The following GSN variants were observed in gnomAD, a reference collection of about 807,000 sequenced individuals.
GSN encodes gelsolin, also known as actin-depolymerizing factor.
Under a neutral mutation model 85.7 loss-of-function variants are expected in GSN, and 56 were observed. The observed-to-expected ratio is 0.65, with a 90% CI of 0.53 to 0.82. The LOEUF (loss-of-function observed/expected upper bound fraction) is 0.82, where lower values mean the gene tolerates loss of function less well. GSN is among the 40% of genes least tolerant of loss of function. GSN has a pLI of 0.00. For synonymous variants in GSN, 373 were observed against 399.1 expected (o/e 0.93, Z 0.78); for missense variants, 857 against 979.8 (o/e 0.87, Z 1.67).
Position 121,220,325 on chromosome 9 carries a change from T to C in GSN, c.-528+9458T>C, listed in dbSNP as rs570900049. ...GCCGGGGCCGAGGTCCTGCAGGTAT[T>C]TGGGGAACTCCCCTAGCCCACTGAT... On this transcript the variant is annotated intron_variant, in intron 4 of 24. Transcript: ENST00000373823. Among the ~76,000 whole-genome samples the C allele has an allele frequency of 7.2e-5, 11 of 152,390 alleles. No individual in the cohort carries two copies. The South Asian group carries it at 8.3e-4, about 11-fold the overall frequency.
At chr9:121,207,591 G>C (rs931739927), upstream of GSN, among the ~76,000 whole-genome samples, 1 of 152,196 alleles carries the variant, frequency 6.6e-6, no homozygotes, top group Admixed American at 6.5e-5. Flanking sequence ...ACCCATGGAA[G>C]GTCATCTCCC....
upstream of GSN, among the ~76,000 whole-genome samples, chr9:121,266,102 C>G (rs998051420): frequency 2.6e-5 from 4 of 152,122 alleles, no homozygotes; most frequent in African/African-American, 9.7e-5. Context: ...CCAAATGGAG[C>G]AATTACAGGG....
At chr9:121,272,695 A>G (rs1263003183) in intron 1 of GSN, among the ~76,000 whole-genome samples, 1 of 152,238 alleles carries the variant, frequency 6.6e-6, no homozygotes, top group East Asian at 1.9e-4. Context: ...TATGTAACAC[A>G]CTTACTATGT....
chr9:121,302,874 T>C (rs750389689), intron 3 of GSN, 37 bp from the exon 4 acceptor site: 20 of 1,610,814 alleles, frequency 1.2e-5, no homozygotes, highest in Non-Finnish European at 1.6e-5. Context: ...GGGATACTTC[T>C]GGAAAGCCAG....
chr9:121,297,378 C>G (rs1038562501), intron 2 of GSN, among the ~76,000 whole-genome samples: 1 of 152,052 alleles, frequency 6.6e-6, no homozygotes, highest in African/African-American at 2.4e-5. Context: ...TAATCTTCAC[C>G]ATAATCTAGT....
At chr9:121,246,315 T>C (rs1342867668) in intron 5 of GSN, among the ~76,000 whole-genome samples, 1 of 152,218 alleles carries the variant, frequency 6.6e-6, no homozygotes, top group African/African-American at 2.4e-5. Flanking sequence ...GATGCTATGC[T>C]CAGAGCTGCT....
intron 2 of GSN, chr9:121,282,500 G>A: frequency 8.0e-7 from 1 of 1,257,464 alleles, no homozygotes; most frequent in Non-Finnish European, 1.0e-6. Flanking sequence ...GCTTCCAGAT[G>A]GTGACATGAG....
chr9:121,225,402 G>A (rs566029510), intron 4 of GSN, among the ~76,000 whole-genome samples: 19 of 152,312 alleles, frequency 1.2e-4, no homozygotes, highest in African/African-American at 4.1e-4. Context: ...GCCAATTATA[G>A]GATTAGCAAA....
At chr9:121,264,012 G>T (rs1054610217), upstream of GSN, among the ~76,000 whole-genome samples, 11 of 152,000 alleles carry the variant, frequency 7.2e-5, no homozygotes, top group Non-Finnish European at 1.5e-4. Context: ...GACACATGGG[G>T]ATTATGGGGA....
intron 2 of GSN, among the ~76,000 whole-genome samples, chr9:121,301,575 G>A (rs1177408400): frequency 2.0e-5 from 3 of 146,710 alleles, no homozygotes; most frequent in African/African-American, 7.6e-5. Context: ...ACAGTGAGTC[G>A]AGATTGCACC....
At chr9:121,304,662 T>C (rs1231030698) in intron 4 of GSN, among the ~76,000 whole-genome samples, 1 of 152,244 alleles carries the variant, frequency 6.6e-6, no homozygotes, top group Non-Finnish European at 1.5e-5. Flanking sequence ...GTTGCTACAC[T>C]ATGGCAGATA....
At chr9:121,257,564 A>G (rs976237315) in intron 6 of GSN, among the ~76,000 whole-genome samples, 2 of 152,168 alleles carry the variant, frequency 1.3e-5, no homozygotes, top group African/African-American at 4.8e-5. Flanking sequence ...AGATGAAGTG[A>G]TTACAGGTGA....
At chr9:121,285,175 A>G (rs2057920606) in intron 2 of GSN, 1 of 167,266 alleles carries the variant, frequency 6.0e-6, no homozygotes, top group Non-Finnish European at 1.5e-5. Context: ...GGTGATGATT[A>G]AACAATGGGG....
At chr9:121,317,462 A>C in intron 8 of GSN, 5 of 518,558 alleles carry the variant, frequency 9.6e-6, no homozygotes, top group Non-Finnish European at 1.4e-5. Context: ...AGTGCATTAT[A>C]ACGTCAGTTC....
Position 121,310,840 on chromosome 9 carries a change from G to A in GSN, c.508G>A (p.Gly170Ser). The A allele has an allele frequency of 6.8e-6, 11 of 1,614,000 alleles. No individual in the cohort carries two copies. The highest frequency in any genetic ancestry group is 9.3e-6 in the Non-Finnish European group (11 of 1,180,000). The change falls in exon 5 of 18, where the codon GGC (glycine) becomes AGC (serine). Residue 170 changes from glycine to serine, a missense_variant. Coordinates refer to ENST00000432226, the MANE Select transcript of GSN (RefSeq NM_198252.3). ...TGGCGACTGCTTCATCCTGGACCTG[G>A]GCAACGTGAGTCCTGCTTTCCTCTT... ...NNGDCFILDL[G>S]NNIHQWCGSN... is the part of the protein sequence containing the mutation.
At chr9:121,313,535 A>C in intron 6 of GSN, 1 of 305,024 alleles carries the variant, frequency 3.3e-6, no homozygotes, top group East Asian at 8.2e-5. Flanking sequence ...ATCTTTCTGG[A>C]CCTCAGATTC....
chr9:121,258,772 G>A (rs1165953042), intron 6 of GSN, among the ~76,000 whole-genome samples: 1 of 151,906 alleles, frequency 6.6e-6, no homozygotes, highest in East Asian at 1.9e-4. Context: ...CAAGAGAAGA[G>A]ACTGATATTT....
intron 2 of GSN, among the ~76,000 whole-genome samples, chr9:121,287,952 T>C (rs1454839408): frequency 6.6e-6 from 1 of 151,956 alleles, no homozygotes; most frequent in Non-Finnish European, 1.5e-5. Flanking sequence ...TGTTTTATTG[T>C]TGTATTTTTT....
intron 2 of GSN, among the ~76,000 whole-genome samples, chr9:121,291,953 G>A (rs2058734193): frequency 6.6e-6 from 1 of 152,114 alleles, no homozygotes; most frequent in Admixed American, 6.5e-5. Flanking sequence ...CTGGAGTGCA[G>A]TGGCACAATC....
Sources: allele counts gnomAD v4.1 joint callset (sites outside exome capture counted in the v4.1 genomes callset), GRCh38; gene constraint gnomAD v4.1.1; transcripts MANE v1.5; gene names NCBI Gene and HGNC (gene_info 2026-07-23, HGNC 2026-07-21).